Variants in MAP3K5 observed in about 807,000 individuals in gnomAD.
The protein encoded by MAP3K5 is ASK-1.
MAP3K5 carries 56 observed loss-of-function variants against 158.7 expected under a neutral mutation model. The ratio of observed to expected loss-of-function variants is 0.35; its 90% CI spans 0.28 to 0.44. The LOEUF is 0.44. Ranked by LOEUF, MAP3K5 falls within the 20% of genes least tolerant of loss-of-function variation. The probability of loss-of-function intolerance (pLI) is 1.00; values close to 1 mark genes in which losing one functional copy is unlikely to be tolerated. For synonymous variants in MAP3K5, 579 were observed against 601.7 expected (o/e 0.96, Z 0.55); for missense variants, 1,294 against 1,674.8 (o/e 0.77, Z 3.97).
chr6:136,743,677 CACTCCTTGG>C (rs976063854), intron 1 of MAP3K5, among the ~76,000 whole-genome samples: 1 of 152,170 alleles, frequency 6.6e-6, no homozygotes, highest in Admixed American at 6.5e-5. Context: ...CCACCATTTG[CACTCCTTGG>C]TATTTACCCA....
At chr6:136,764,195 T>C (rs1461646694) in intron 1 of MAP3K5, among the ~76,000 whole-genome samples, 13 of 152,166 alleles carry the variant, frequency 8.5e-5, no homozygotes, top group Admixed American at 8.5e-4. Context: ...ATCAAGTCCT[T>C]ACCCCTGTGC....
intron 1 of MAP3K5, among the ~76,000 whole-genome samples, chr6:136,739,654 AC>A (rs1460365114): frequency 6.6e-6 from 1 of 152,214 alleles, no homozygotes; most frequent in Non-Finnish European, 1.5e-5. Flanking sequence ...GAGGTCCTAG[AC>A]CATATGGACA....
intron 1 of MAP3K5, among the ~76,000 whole-genome samples, chr6:136,781,821 C>T (rs1255828701): frequency 6.6e-6 from 1 of 152,168 alleles, no homozygotes; most frequent in Non-Finnish European, 1.5e-5. Flanking sequence ...AAAGCGGTGG[C>T]CCCTGGACAG....
At chr6:136,757,641 G>A (rs563666395) in intron 1 of MAP3K5, among the ~76,000 whole-genome samples, 91 of 143,050 alleles carry the variant, frequency 6.4e-4, no homozygotes, top group African/African-American at 2.4e-3. Flanking sequence ...AGGCTGGAGT[G>A]CAGTAGCGCA....
intron 1 of MAP3K5, among the ~76,000 whole-genome samples, chr6:136,773,621 A>AT (rs1054320503): frequency 6.6e-6 from 1 of 151,268 alleles, no homozygotes; most frequent in East Asian, 1.9e-4. Flanking sequence ...TCCTTTGCCC[A>AT]TTTTTTGTTG....
In MAP3K5 at chr6:136,592,219, T is replaced by C; in HGVS notation, c.3179A>G (p.Glu1060Gly). The change falls in exon 23 of 30, where the codon GAA becomes GGA. Residue 1060 changes from glutamate to glycine, a missense_variant. Transcript: ENST00000359015. ...RRATLHRILT[E>G]DQDKIVRNLM... ...GTTTCTCACAATTTTGTCTTGGTCT[T>C]CCGTCAGGATCCTGTGAAGGGTAGC... 1 of 1,606,722 alleles carries C rather than the reference T, an allele frequency of 6.2e-7. No individual in the cohort carries two copies. The highest frequency in any genetic ancestry group is 8.5e-7 in the Non-Finnish European group (1 of 1,177,168).
chr6:136,574,944 C>T (rs1446726063), intron 25 of MAP3K5, among the ~76,000 whole-genome samples: 1 of 151,996 alleles, frequency 6.6e-6, no homozygotes, highest in Non-Finnish European at 1.5e-5. Context: ...CCGCCTCGGC[C>T]TCCCAAAGTG....
intron 1 of MAP3K5, among the ~76,000 whole-genome samples, chr6:136,754,654 T>C (rs2114937974): frequency 6.6e-6 from 1 of 152,144 alleles, no homozygotes; most frequent in South Asian, 2.1e-4. Flanking sequence ...CACCCTATGC[T>C]TAATCTGCAG....
intron 15 of MAP3K5, among the ~76,000 whole-genome samples, chr6:136,621,947 G>A (rs1225596031): frequency 1.3e-5 from 2 of 151,948 alleles, no homozygotes; most frequent in Non-Finnish European, 2.9e-5. Flanking sequence ...TTAGCCAGGC[G>A]TGGTGGCAGG....
chr6:136,645,118 G>C (rs910837884), intron 11 of MAP3K5, among the ~76,000 whole-genome samples: 9 of 151,958 alleles, frequency 5.9e-5, no homozygotes, highest in Non-Finnish European at 1.3e-4. Flanking sequence ...TTTTTGTAGA[G>C]ACGGGGGTCT....
At chr6:136,624,456 T>G (rs1776945448) in intron 14 of MAP3K5, among the ~76,000 whole-genome samples, 1 of 152,166 alleles carries the variant, frequency 6.6e-6, no homozygotes, top group Admixed American at 6.5e-5. Flanking sequence ...AATGAACAAG[T>G]TTGATATAAC....
At chr6:136,678,103 G>A (rs1346196318) in intron 7 of MAP3K5, among the ~76,000 whole-genome samples, 3 of 151,682 alleles carry the variant, frequency 2.0e-5, no homozygotes, top group African/African-American at 7.3e-5. Context: ...CCTACCCTTT[G>A]GTTTGTACTA....
chr6:136,707,856 C>CTGGA (rs1167983530), intron 2 of MAP3K5, among the ~76,000 whole-genome samples: 1 of 152,206 alleles, frequency 6.6e-6, no homozygotes, highest in Non-Finnish European at 1.5e-5. Flanking sequence ...CCTCCATACA[C>CTGGA]TGGAATACAT....
At chr6:136,786,379 C>CAAA (rs11398691) in intron 1 of MAP3K5, among the ~76,000 whole-genome samples, 8 of 80,954 alleles carry the variant, frequency 9.9e-5, no homozygotes, top group Admixed American at 4.2e-4. Flanking sequence ...AACTCCATCT[C>CAAA]AAAAAAAAAA....
intron 1 of MAP3K5, among the ~76,000 whole-genome samples, chr6:136,743,072 A>G (rs1471941992): frequency 6.6e-6 from 1 of 152,170 alleles, no homozygotes; most frequent in Non-Finnish European, 1.5e-5. Context: ...CCTGGGTGAC[A>G]GAGACCTTGT....
At chr6:136,619,488 T>C (rs1776709826) in intron 15 of MAP3K5, among the ~76,000 whole-genome samples, 1 of 152,038 alleles carries the variant, frequency 6.6e-6, no homozygotes, top group Admixed American at 6.5e-5. Flanking sequence ...GGTACAGAGA[T>C]TTCCCACACA....
At chr6:136,621,889 G>A (rs1398999206) in intron 15 of MAP3K5, among the ~76,000 whole-genome samples, 2 of 151,938 alleles carry the variant, frequency 1.3e-5, no homozygotes, top group African/African-American at 2.4e-5. Flanking sequence ...GATCAAGACC[G>A]TCCTGGTTAA....
intron 7 of MAP3K5, among the ~76,000 whole-genome samples, chr6:136,692,454 A>C (rs1272891930): frequency 6.6e-6 from 1 of 152,142 alleles, no homozygotes; most frequent in Non-Finnish European, 1.5e-5. Context: ...CTCCCTGCAG[A>C]CCAGGGAATG....
intron 7 of MAP3K5, among the ~76,000 whole-genome samples, chr6:136,687,590 T>G (rs1780204937): frequency 2.0e-5 from 3 of 151,264 alleles, no homozygotes; most frequent in Non-Finnish European, 4.4e-5. Context: ...AAAAAAACAA[T>G]CCCATCAAAA....
Sources: gnomAD v4.1 joint callset for allele counts (sites outside exome capture counted in the v4.1 genomes callset) on GRCh38, gnomAD v4.1.1 for gene constraint, MANE v1.5 for transcripts, NCBI Gene and HGNC (gene_info 2026-07-23, HGNC 2026-07-21) for gene names.